RICTOR: variants seen among roughly 807,000 people sequenced by gnomAD.
RICTOR encodes RPTOR independent companion of MTOR complex 2.
In RICTOR, 49 loss-of-function variants were observed where a neutral mutation model predicts 214.9. The ratio of observed to expected loss-of-function variants is 0.23; its 90% CI spans 0.18 to 0.29. The LOEUF is 0.29. Among genes scored for constraint, RICTOR ranks in the 10% least tolerant of loss-of-function variants. RICTOR has a pLI of 1.00. For synonymous variants in RICTOR, 717 were observed against 711.3 expected, an observed-to-expected ratio of 1.01 and a Z score of -0.13; for missense variants, 1,625 against 2,047.0, an observed-to-expected ratio of 0.79 and a Z score of 3.98.
chr5:38,980,658 C>A (rs945587125), intron 8 of RICTOR, among the ~76,000 whole-genome samples: 4 of 152,026 alleles, frequency 2.6e-5, no homozygotes, highest in Non-Finnish European at 5.9e-5. Context: ...CCAGCCTGAG[C>A]AACATGGCAA....
At chr5:38,986,996 C>T (rs1376621754) in intron 7 of RICTOR, among the ~76,000 whole-genome samples, 3 of 152,104 alleles carry the variant, frequency 2.0e-5, no homozygotes, top group African/African-American at 7.2e-5. Flanking sequence ...TGGATTTTGT[C>T]ATTGGTTCTG....
chr5:39,069,753 C>T (rs913306366), intron 2 of RICTOR, among the ~76,000 whole-genome samples: 5 of 152,172 alleles, frequency 3.3e-5, no homozygotes, highest in African/African-American at 1.2e-4. Context: ...ATCAGCAGCA[C>T]CCTAGGCAGC....
chr5:39,015,184 T>G (rs1754851840), intron 3 of RICTOR, among the ~76,000 whole-genome samples: 1 of 152,118 alleles, frequency 6.6e-6, no homozygotes, highest in African/African-American at 2.4e-5. Context: ...GCAAACAAAC[T>G]CCACTAGTCC....
At chr5:39,024,672 CA>C (rs767393182) in intron 2 of RICTOR, among the ~76,000 whole-genome samples, 45 of 152,146 alleles carry the variant, frequency 3.0e-4, no homozygotes, top group Non-Finnish European at 6.2e-4. Context: ...GCTTGTCAGG[CA>C]CCAAACAGAT....
At chr5:39,043,258 G>T (rs1431217554) in intron 2 of RICTOR, among the ~76,000 whole-genome samples, 1 of 152,012 alleles carries the variant, frequency 6.6e-6, no homozygotes, top group Non-Finnish European at 1.5e-5. Flanking sequence ...ATAGATAAAT[G>T]AATTTTTTAA....
Position 38,947,310 on chromosome 5 carries a change from T to C in RICTOR, c.4268A>G (p.Asp1423Gly). The C allele has an allele frequency of 2.5e-6, 4 of 1,613,044 alleles. No individual in the cohort carries two copies. The highest frequency in any genetic ancestry group is 1.7e-4 in the Middle Eastern group (1 of 6,058). Residue 1423 changes from aspartate (D) to glycine (G), a missense_variant, in exon 32 of 38, where the codon GAT becomes GGT. Transcript: ENST00000357387. ...VSSATYGGSD[D>G]YIGLALPVDI... ...CACCGGGAGAGCAAGACCAATGTAA[T>C]CATCTGAACCCCCATATGTGGCACT...
Position 38,950,423 on chromosome 5 carries a change from T to C in RICTOR, c.3425A>G (p.Asn1142Ser). 6.2e-7 allele frequency: 1 copy of C among 1,613,570 alleles called. No individual in the cohort carries two copies. The highest frequency in any genetic ancestry group is 1.7e-5 in the Admixed American group (1 of 59,940). ...TATGGGTGTAAAATCATCACTATGA[T>C]TAAAATCAACACTGGGCTCCGTAAG... ...RTLTEPSVDFNHSDDFTPIST... is the reference protein window; with the variant it reads ...RTLTEPSVDFSHSDDFTPIST... Residue 1142 changes from asparagine to serine, a missense_variant, in exon 31 of 38, where the codon AAT becomes AGT. Physicochemically the swap from Asn to Ser is conservative, Grantham distance 46. Around this residue, in one of 5 missense-constraint regions of RICTOR, gnomAD observed 1,214 missense variants for 1,470.5 expected, o/e 0.83. Coordinates refer to ENST00000357387, the MANE Select transcript of RICTOR (RefSeq NM_152756.5).
chr5:39,066,695 A>T (rs1247866098), intron 2 of RICTOR, among the ~76,000 whole-genome samples: 1 of 152,236 alleles, frequency 6.6e-6, no homozygotes, highest in Non-Finnish European at 1.5e-5. Context: ...TCCAGGACAC[A>T]TCTTGAACAC....
At chr5:39,074,054 G>A in intron 2 of RICTOR, 57 bp downstream of exon 2, 12 of 1,380,214 alleles carry the variant, frequency 8.7e-6, no homozygotes, top group South Asian at 4.1e-5. Flanking sequence ...CCCCAGCCCC[G>A]GACCCGGCTC....
chr5:39,007,797 T>G (rs1290299532), intron 3 of RICTOR, among the ~76,000 whole-genome samples: 1 of 150,820 alleles, frequency 6.6e-6, no homozygotes, highest in Non-Finnish European at 1.5e-5. Flanking sequence ...ATTGTAAATA[T>G]TTCAGAAAAT....
chr5:39,023,118 A>T (rs1755554649), intron 2 of RICTOR, among the ~76,000 whole-genome samples: 1 of 152,258 alleles, frequency 6.6e-6, no homozygotes, highest in East Asian at 1.9e-4. Context: ...AAAAACAAAA[A>T]CAAACAAACA....
intron 2 of RICTOR, among the ~76,000 whole-genome samples, chr5:39,028,678 T>TC (rs1756045490): frequency 6.6e-6 from 1 of 152,152 alleles, no homozygotes; most frequent in Admixed American, 6.5e-5. Context: ...AACCCAAATG[T>TC]CCATCAACAG....
intron 2 of RICTOR, among the ~76,000 whole-genome samples, chr5:39,041,002 A>C (rs1757123738): frequency 6.6e-6 from 1 of 152,236 alleles, no homozygotes; most frequent in South Asian, 2.1e-4. Context: ...TAGAGATTTC[A>C]CTAGAGTATA....
intron 2 of RICTOR, among the ~76,000 whole-genome samples, chr5:39,048,362 C>T (rs1259361066): frequency 6.6e-6 from 1 of 152,210 alleles, no homozygotes; most frequent in Non-Finnish European, 1.5e-5. Flanking sequence ...ATTCTGTAAA[C>T]TGGTAAGGTG....
Position 38,938,208 on chromosome 5 carries a change from G to C in RICTOR, c.*4096C>G, listed in dbSNP as rs1481176170. 1.8e-5 allele frequency: 4 copies of C among 223,256 alleles called. No individual in the cohort carries two copies. In the Admixed American group the frequency reaches 2.3e-4, roughly 13 times the overall value. 13.8% of individuals were successfully genotyped at this position (223,256 alleles called of 1,614,324 possible). A position where few individuals can be genotyped will look rare whatever the true frequency, so the allele number is the denominator to read the frequency against. ...TCTGTTCAGTGACCTACAAACACCA[G>C]AACCTCCAAATATGTAGCAGCGTAT... On this transcript the variant is annotated 3_prime_UTR_variant, in exon 38 of 38. Coordinates refer to ENST00000357387, the MANE Select transcript of RICTOR (RefSeq NM_152756.5).
At chr5:38,955,750 C>A in intron 25 of RICTOR, 46 bp from the exon 26 acceptor site, 1 of 1,037,584 alleles carries the variant, frequency 9.6e-7, no homozygotes, top group South Asian at 1.3e-5. Flanking sequence ...CACAATGAGT[C>A]ACTAAATTTA....
intron 7 of RICTOR, among the ~76,000 whole-genome samples, chr5:38,990,631 ATATC>A (rs148979916): frequency 0.28 from 28,649 of 101,700 alleles, 5,321 homozygotes; most frequent in Non-Finnish European, 0.31. Flanking sequence ...TATGATATAT[ATATC>A]TGACATATAT....
At chr5:38,999,643 A>C (rs894982231) in intron 5 of RICTOR, among the ~76,000 whole-genome samples, 8 of 152,162 alleles carry the variant, frequency 5.3e-5, no homozygotes, top group African/African-American at 1.9e-4. Context: ...ATACAAGAAC[A>C]AAGAACATAT....
chr5:38,989,048 T>G lies in RICTOR; in HGVS notation c.583+1901A>C, dbSNP rs927487015. On this transcript the variant is annotated intron_variant, in intron 7 of 37. Coordinates refer to ENST00000357387, the MANE Select transcript of RICTOR (RefSeq NM_152756.5). ...ATATGGAACCAAAAAAGACCCCATA[T>G]AGCCAAGACAATCCTAAGTAAAAAG... Among the ~76,000 whole-genome samples, 4 of 152,170 alleles carry G rather than the reference T, an allele frequency of 2.6e-5. No homozygotes were observed. In the East Asian group the frequency reaches 7.7e-4, roughly 29 times the overall value.
Sources: allele counts gnomAD v4.1 joint callset (sites outside exome capture counted in the v4.1 genomes callset), GRCh38; gene constraint gnomAD v4.1.1; regional missense constraint gnomAD v4.1.1; transcripts MANE v1.5; gene names NCBI Gene and HGNC (gene_info 2026-07-23, HGNC 2026-07-21).